The following TCHP variants were observed in gnomAD, a reference collection of about 807,000 sequenced individuals.
TCHP encodes the protein trichoplein keratin filament-binding protein.
A neutral mutation model predicts 88.7 loss-of-function variants in TCHP; 81 were observed. That is an observed-to-expected ratio of 0.91 (90% CI 0.76 to 1.10). TCHP has a LOEUF of 1.10. TCHP is among the 50% of genes least tolerant of loss of function. The pLI, the probability that TCHP is intolerant of heterozygous loss-of-function variation, is 0.00. For missense variants in TCHP, 641 were observed against 632.1 expected (o/e 1.01, Z -0.15); for synonymous variants, 232 against 232.5 (o/e 1.00, Z 0.02).
At position 109,908,600 on chromosome 12, in the gene TCHP, G is replaced by C. The variant is rs140898875; in HGVS notation, c.714G>C (p.Lys238Asn). The C allele has an allele frequency of 6.3e-7, 1 of 1,599,868 alleles. No homozygotes were observed. The highest frequency in any genetic ancestry group is 8.5e-7 in the Non-Finnish European group (1 of 1,174,692). The change falls in exon 7 of 13, where the codon AAG (lysine) becomes AAC (asparagine). Residue 238 changes from lysine (K) to asparagine (N), a missense_variant. Transcript: ENST00000405876. ...KLKEVEATKL[K>N]KEQENLLKQR... ...CATCACCACAGGCGACCAAACTAAAGAAGGAGCAGGAGAATCTGTTGAAGC... is the reference window on the plus strand; with the variant it reads ...CATCACCACAGGCGACCAAACTAAACAAGGAGCAGGAGAATCTGTTGAAGC...
intron 1 of TCHP, among the ~76,000 whole-genome samples, chr12:109,901,890 C>CA: frequency 6.6e-6 from 1 of 152,316 alleles, no homozygotes; most frequent in East Asian, 1.9e-4. Flanking sequence ...AATTTCGTCT[C>CA]AAACTGTGGC....
At chr12:109,916,463 G>A (rs1305602250) in intron 12 of TCHP, 128 bp from the exon 13 acceptor site, 3 of 1,063,378 alleles carry the variant, frequency 2.8e-6, no homozygotes, top group Non-Finnish European at 2.7e-6. Flanking sequence ...CTTAGGGTCA[G>A]ATTTTTTCAG....
At chr12:109,911,010 T>C in intron 8 of TCHP, 53 bp from the exon 9 acceptor site, 4 of 1,453,898 alleles carry the variant, frequency 2.8e-6, no homozygotes, top group Non-Finnish European at 3.6e-6. Flanking sequence ...TAGGCTCTCA[T>C]TGCAGAAGGA....
In TCHP at chr12:109,911,129, G is replaced by T; in HGVS notation, c.946G>T (p.Ala316Ser). 1 of 1,597,126 alleles carries T rather than the reference G, an allele frequency of 6.3e-7. No individual in the cohort carries two copies. ...GGACGAGAGCCAGCGCCTCCACCTGGCCAGGCGGGAGCAGGTCATGGCCGA... is the reference window on the plus strand; with the variant it reads ...GGACGAGAGCCAGCGCCTCCACCTGTCCAGGCGGGAGCAGGTCATGGCCGA... ...KEDESQRLHL[A>S]RREQVMADVA... Residue 316 changes from alanine (A) to serine (S), a missense_variant, in exon 9 of 13, where the codon GCC becomes TCC. By Grantham distance (99) the Ala-to-Ser change is moderately conservative (BLOSUM62 1). Transcript: ENST00000405876.
At chr12:109,890,612 C>T in the TCHP span, among the ~76,000 whole-genome samples, 1 of 151,584 alleles carries the variant, frequency 6.6e-6, no homozygotes, top group African/African-American at 2.4e-5. Flanking sequence ...CAGGTTCGAG[C>T]GATTCTCCCA....
At chr12:109,902,999 C>T in intron 1 of TCHP, 28 bp from the exon 2 acceptor site, 2 of 1,571,216 alleles carry the variant, frequency 1.3e-6, no homozygotes, top group Non-Finnish European at 1.7e-6. Flanking sequence ...TTTGCAGTGG[C>T]TCACTTTCCT....
At chr12:109,900,254 C>T (rs1415164378), upstream of TCHP, 1 of 152,098 alleles carries the variant, frequency 6.6e-6, no homozygotes, top group Non-Finnish European at 1.5e-5. Flanking sequence ...CTGAAGGAGG[C>T]TTGGCCCTTG....
At position 109,903,863 on chromosome 12, in the gene TCHP, A is replaced by G. The variant is rs1423896729; in HGVS notation, c.189-74A>G. 7.9e-7 allele frequency: 1 copy of G among 1,264,938 alleles called. No homozygotes were observed. Among genetic ancestry groups the G allele is most frequent in the East Asian group, 2.5e-5 (1 of 39,650 alleles). The allele number at this position is 1,264,938 out of a possible 1,614,324, so 78.4% of individuals were successfully genotyped here. On this transcript the variant is annotated intron_variant, in intron 2 of 12. Coordinates refer to ENST00000405876, the MANE Select transcript of TCHP (RefSeq NM_001143852.2). The surrounding 1 kb of genome is among the most constrained non-coding windows in gnomAD (Gnocchi z 4.6). Reference sequence around the variant, plus strand: ...TGACACATCTACCTCAGCCTCTTTTACCGACACAGCAGAGCAGAGCACGTT... The same window carrying G: ...TGACACATCTACCTCAGCCTCTTTTGCCGACACAGCAGAGCAGAGCACGTT...
the TCHP span, among the ~76,000 whole-genome samples, chr12:109,884,435 G>A: frequency 1.5e-3 from 225 of 152,190 alleles, 2 homozygotes; most frequent in African/African-American, 5.0e-3. Flanking sequence ...TGATCCACCT[G>A]CCTCAGCCTC....
upstream of TCHP, among the ~76,000 whole-genome samples, chr12:109,895,290 A>G (rs1869531232): frequency 1.3e-5 from 2 of 149,306 alleles, no homozygotes; most frequent in Non-Finnish European, 1.5e-5. Flanking sequence ...GCTCACTGCA[A>G]CCTCGACTTC....
At chr12:109,904,688 T>G in intron 3 of TCHP, 49 bp from the exon 4 acceptor site, 1 of 1,577,650 alleles carries the variant, frequency 6.3e-7, no homozygotes, top group Non-Finnish European at 8.7e-7. Context: ...AAAATGTGAA[T>G]GGATTTGAAA....
At position 109,911,033 on chromosome 12, in the gene TCHP, C is replaced by T. The variant is rs756102158; in HGVS notation, c.880-30C>T. The T allele has an allele frequency of 2.6e-4, 400 of 1,518,796 alleles. 2 individuals carry two copies. The highest frequency in any genetic ancestry group is 1.4e-4 in the Non-Finnish European group (158 of 1,130,968). The allele number at this position is 1,518,796 out of a possible 1,614,324, so 94.1% of individuals were successfully genotyped here. A position where few individuals can be genotyped will look rare whatever the true frequency, so the allele number is the denominator to read the frequency against. Reference sequence around the variant, plus strand: ...CATTGCAGAAGGACTCTGTCCAGCCCAGCCACGTGCCGCCCTCTGCTTCCT... The same window carrying T: ...CATTGCAGAAGGACTCTGTCCAGCCTAGCCACGTGCCGCCCTCTGCTTCCT... On this transcript the variant is annotated intron_variant, in intron 8 of 12. Coordinates refer to ENST00000405876, the MANE Select transcript of TCHP (RefSeq NM_001143852.2).
At position 109,917,795 on chromosome 12, in the gene TCHP, T is replaced by C. The variant is rs1870897324; in HGVS notation, c.*1172T>C. 6.6e-6 allele frequency: 1 copy of C among 152,664 alleles called. No individual in the cohort carries two copies. Among genetic ancestry groups the C allele is most frequent in the South Asian group, 2.1e-4 (1 of 4,836 alleles). 9.5% of individuals were successfully genotyped at this position (152,664 alleles called of 1,614,324 possible). A position where few individuals can be genotyped will look rare whatever the true frequency, so the allele number is the denominator to read the frequency against. On this transcript the variant is annotated 3_prime_UTR_variant, in exon 13 of 13. Transcript: ENST00000405876. ...CACATTATGTTCAAGATTCCATATC[T>C]CCGTAAATTACAGCTAATTACAGGG...
intron 8 of TCHP, among the ~76,000 whole-genome samples, chr12:109,910,748 A>C (rs893851044): frequency 6.6e-6 from 1 of 152,156 alleles, no homozygotes; most frequent in African/African-American, 2.4e-5. Context: ...CTTTGTTCTT[A>C]TAAGTGGGAT....
At chr12:109,912,745 C>T (rs909043760) in intron 9 of TCHP, among the ~76,000 whole-genome samples, 2 of 152,056 alleles carry the variant, frequency 1.3e-5, no homozygotes, top group Non-Finnish European at 2.9e-5. Context: ...GAGCCGAGAT[C>T]GCACCACTGC....
the TCHP span, among the ~76,000 whole-genome samples, chr12:109,886,940 C>T: frequency 6.6e-6 from 1 of 152,044 alleles, no homozygotes; most frequent in East Asian, 1.9e-4. Context: ...AACTCCTGAC[C>T]TCGTGCTCCA....
chr12:109,906,309 G>T (rs554183890), intron 4 of TCHP, among the ~76,000 whole-genome samples: 78 of 152,290 alleles, frequency 5.1e-4, no homozygotes, highest in South Asian at 3.1e-3. Flanking sequence ...AGGGCTAGTG[G>T]GAGGGAAGTC....
At chr12:109,907,791 T>C (rs185359539) in intron 6 of TCHP, 92 bp downstream of exon 6, 365 of 1,399,540 alleles carry the variant, frequency 2.6e-4, no homozygotes, top group Middle Eastern at 2.0e-3. Context: ...GAAGAGGCCA[T>C]AGCAGGGCTG....
At chr12:109,915,695 T>G in intron 12 of TCHP, 149 bp downstream of exon 12, 3 of 1,026,916 alleles carry the variant, frequency 2.9e-6, no homozygotes, top group Non-Finnish European at 2.8e-6. Flanking sequence ...TATTTCTCTC[T>G]TCCCTGACCA....
Sources: gnomAD v4.1 joint callset for allele counts (sites outside exome capture counted in the v4.1 genomes callset) on GRCh38, gnomAD v4.1.1 for gene constraint, Gnocchi (gnomAD v3.1) non-coding constraint, MANE v1.5 for transcripts, NCBI Gene and HGNC (gene_info 2026-07-23, HGNC 2026-07-21) for gene names.